The following ABCA13 variants were observed in gnomAD, a reference collection of about 807,000 sequenced individuals.
ABCA13 encodes ATP binding cassette subfamily A member 13.
Under a neutral mutation model 478.7 loss-of-function variants are expected in ABCA13, and 476 were observed. The ratio of observed to expected loss-of-function variants is 0.99; its 90% CI spans 0.92 to 1.07. The LOEUF is 1.07. Ranked by LOEUF, ABCA13 falls within the 50% of genes least tolerant of loss-of-function variation. The pLI is 0.00. For missense variants in ABCA13, 6,060 were observed against 5,910.6 expected (o/e 1.03, Z -0.83); for synonymous variants, 2,252 against 2,158.9 (o/e 1.04, Z -1.20).
intron 58 of ABCA13, among the ~76,000 whole-genome samples, chr7:48,602,597 A>G (rs757844311): frequency 6.6e-6 from 1 of 152,166 alleles, no homozygotes; most frequent in Non-Finnish European, 1.5e-5. Flanking sequence ...CTGTATTGGT[A>G]CCAGTACCAT....
intron 1 of ABCA13, among the ~76,000 whole-genome samples, chr7:48,178,630 G>A (rs957446311): frequency 4.0e-5 from 6 of 150,974 alleles, no homozygotes; most frequent in African/African-American, 1.2e-4. Context: ...AGCCGAGCTC[G>A]CACCATTGCA....
chr7:48,251,866 T>C (rs777687472), intron 15 of ABCA13, among the ~76,000 whole-genome samples: 4 of 152,146 alleles, frequency 2.6e-5, no homozygotes, highest in Non-Finnish European at 5.9e-5. Context: ...TCAACTGCCT[T>C]CTGGCATGTA....
chr7:48,529,086 C>T (rs1386122152), intron 55 of ABCA13, among the ~76,000 whole-genome samples: 1 of 152,198 alleles, frequency 6.6e-6, no homozygotes, highest in South Asian at 2.1e-4. Flanking sequence ...CTTCACGCCC[C>T]TTTCTGCACC....
intron 26 of ABCA13, among the ~76,000 whole-genome samples, chr7:48,314,641 G>A (rs17712584): frequency 0.14 from 20,827 of 152,054 alleles, 1,504 homozygotes; most frequent in East Asian, 0.18. Flanking sequence ...TGTCACCAAG[G>A]AAATGTCTAA....
At chr7:48,268,906 A>G (rs1795229188) in intron 15 of ABCA13, 74 bp from the exon 16 acceptor site, 1 of 595,262 alleles carries the variant, frequency 1.7e-6, no homozygotes. Context: ...GAACTACTCT[A>G]GCATTTTTCA....
intron 3 of ABCA13, among the ~76,000 whole-genome samples, chr7:48,201,554 T>G (rs1798722420): frequency 6.6e-6 from 1 of 152,104 alleles, no homozygotes; most frequent in Admixed American, 6.5e-5. Flanking sequence ...ACCCTGTCTC[T>G]ACTATAAATC....
intron 39 of ABCA13, chr7:48,404,444 C>T (rs2129076836): frequency 5.9e-6 from 1 of 169,862 alleles, no homozygotes; most frequent in Middle Eastern, 3.0e-3. Context: ...TATGTATTTT[C>T]TGTGAGAATA....
chr7:48,410,764 C>A, intron 40 of ABCA13, 87 bp downstream of exon 40: 1 of 1,520,838 alleles, frequency 6.6e-7, no homozygotes, highest in South Asian at 1.3e-5. Flanking sequence ...ATAGTAATAA[C>A]GTCTCAGTGG....
chr7:48,197,154 A>G (rs1465830653), intron 2 of ABCA13, among the ~76,000 whole-genome samples: 1 of 152,228 alleles, frequency 6.6e-6, no homozygotes, highest in Admixed American at 6.5e-5. Flanking sequence ...CTGCACATGC[A>G]GGAGGACAGG....
chr7:48,445,902 G>A (rs1209411672), intron 42 of ABCA13, among the ~76,000 whole-genome samples: 1 of 152,066 alleles, frequency 6.6e-6, no homozygotes, highest in Non-Finnish European at 1.5e-5. Flanking sequence ...AAGGCAAGTG[G>A]TAACCACTTG....
intron 1 of ABCA13, among the ~76,000 whole-genome samples, chr7:48,174,021 T>C (rs1794510491): frequency 6.6e-6 from 1 of 152,230 alleles, no homozygotes; most frequent in South Asian, 2.1e-4. Context: ...TATGTTTACA[T>C]ATCTTAATGT....
At chr7:48,376,963 T>A (rs557343052) in intron 35 of ABCA13, among the ~76,000 whole-genome samples, 1 of 152,038 alleles carries the variant, frequency 6.6e-6, no homozygotes, top group South Asian at 2.1e-4. Context: ...CTAGTGGGGA[T>A]CTAGGGACCA....
rs191057370 is a variant in ABCA13, at chr7:48,172,279, C to A, written c.69+727C>A. 2.2e-4 allele frequency among the ~76,000 whole-genome samples: 34 copies of A among 152,234 alleles called. No individual in the cohort carries two copies. The East Asian group carries it at 6.6e-3, about 29-fold the overall frequency. On this transcript the variant is annotated intron_variant, in intron 1 of 61. Coordinates refer to ENST00000435803, the MANE Select transcript of ABCA13 (RefSeq NM_152701.5). ...TAGATGTGCAGTAATTTACCTGCAT[C>A]GTTTCTGATTTTAAGGTCTACAGTT...
At chr7:48,440,313 A>C (rs1233606042) in intron 42 of ABCA13, among the ~76,000 whole-genome samples, 1 of 152,140 alleles carries the variant, frequency 6.6e-6, no homozygotes, top group Admixed American at 6.6e-5. Flanking sequence ...ATTACTTTAG[A>C]ATAATTGTGC....
intron 31 of ABCA13, among the ~76,000 whole-genome samples, chr7:48,354,654 T>C (rs1809607774): frequency 1.3e-5 from 2 of 152,090 alleles, no homozygotes; most frequent in Non-Finnish European, 2.9e-5. Context: ...GCAATATAAC[T>C]CCTCAGAAGT....
chr7:48,179,685 G>T (rs549446616), intron 1 of ABCA13, among the ~76,000 whole-genome samples: 1 of 152,314 alleles, frequency 6.6e-6, no homozygotes, highest in South Asian at 2.1e-4. Context: ...AGCTCATTCA[G>T]AATGATGTCA....
intron 15 of ABCA13, 70 bp downstream of exon 15, chr7:48,249,421 G>A: frequency 6.3e-7 from 1 of 1,588,902 alleles, no homozygotes; most frequent in Non-Finnish European, 8.6e-7. Flanking sequence ...ATAATTTCCT[G>A]AGAGTCCATC....
At chr7:48,530,399 G>A (rs1833150421) in intron 55 of ABCA13, among the ~76,000 whole-genome samples, 1 of 151,770 alleles carries the variant, frequency 6.6e-6, no homozygotes, top group Non-Finnish European at 1.5e-5. Context: ...TGATTGATGG[G>A]CATTTGAGCT....
At chr7:48,628,078 A>G (rs1013451391) in intron 59 of ABCA13, among the ~76,000 whole-genome samples, 1 of 152,102 alleles carries the variant, frequency 6.6e-6, no homozygotes, top group African/African-American at 2.4e-5. Context: ...CCACTTGAGC[A>G]TGCTATGCTT....
Sources: allele counts gnomAD v4.1 joint callset (sites outside exome capture counted in the v4.1 genomes callset), GRCh38; gene constraint gnomAD v4.1.1; transcripts MANE v1.5; gene names NCBI Gene and HGNC (gene_info 2026-07-23, HGNC 2026-07-21).